The following TNFSF8 variants were observed in gnomAD, a reference collection of about 807,000 sequenced individuals.
The protein encoded by TNFSF8 is TNF superfamily member 8.
A neutral mutation model predicts 22.0 loss-of-function variants in TNFSF8; 4 were observed. The observed-to-expected ratio is 0.18, with a 90% CI of 0.09 to 0.42. The LOEUF is 0.42. Ranked by LOEUF, TNFSF8 falls within the 10% of genes least tolerant of loss-of-function variation. The pLI, the probability that TNFSF8 is intolerant of heterozygous loss-of-function variation, is 1.00. For missense variants in TNFSF8, 233 were observed against 281.8 expected (o/e 0.83, Z 1.24); for synonymous variants, 106 against 112.5 (o/e 0.94, Z 0.37).
intron 2 of TNFSF8, among the ~76,000 whole-genome samples, chr9:114,911,825 C>T (rs575808373): frequency 2.1e-4 from 32 of 152,034 alleles, no homozygotes; most frequent in Middle Eastern, 3.4e-3. Flanking sequence ...ACCTGTCTGA[C>T]ACTATGGGCA....
intron 2 of TNFSF8, among the ~76,000 whole-genome samples, chr9:114,907,091 T>C (rs541713328): frequency 3.0e-4 from 46 of 152,214 alleles, no homozygotes; most frequent in Non-Finnish European, 5.7e-4. Flanking sequence ...TGCCCAGCCC[T>C]GAGAAAGTCC....
At chr9:114,908,432 G>A (rs1253838629) in intron 2 of TNFSF8, among the ~76,000 whole-genome samples, 1 of 152,170 alleles carries the variant, frequency 6.6e-6, no homozygotes, top group Non-Finnish European at 1.5e-5. Context: ...CATGCCTTGG[G>A]CTGAGGCCAG....
At chr9:114,918,229 T>C in intron 1 of TNFSF8, 91 bp from the exon 2 acceptor site, 1 of 1,158,046 alleles carries the variant, frequency 8.6e-7, no homozygotes, top group Admixed American at 2.7e-5. Flanking sequence ...GTCCTTAAAG[T>C]ACTGTGCAAT....
chr9:114,909,132 A>C (rs914017966), intron 2 of TNFSF8, among the ~76,000 whole-genome samples: 1 of 152,292 alleles, frequency 6.6e-6, no homozygotes, highest in Admixed American at 6.5e-5. Flanking sequence ...GCTGCTTTGG[A>C]GGTCATGAGG....
intron 1 of TNFSF8, among the ~76,000 whole-genome samples, chr9:114,924,140 G>A: frequency 6.6e-6 from 1 of 152,138 alleles, no homozygotes; most frequent in Non-Finnish European, 1.5e-5. Context: ...TTTTAGCTCG[G>A]TGCTTCTCAA....
At chr9:114,898,501 G>T (rs1467400902), downstream of TNFSF8, among the ~76,000 whole-genome samples, 2 of 152,166 alleles carry the variant, frequency 1.3e-5, no homozygotes, top group Non-Finnish European at 2.9e-5. Context: ...TATTGAGAGT[G>T]GTGGCTGGAA....
Position 114,902,887 on chromosome 9 carries a change from C to A in TNFSF8, c.*1044G>T. 1 of 450,038 alleles carries A rather than the reference C, an allele frequency of 2.2e-6. No individual in the cohort carries two copies. Among genetic ancestry groups the A allele is most frequent in the Non-Finnish European group, 2.9e-6 (1 of 340,656 alleles). 27.9% of individuals were successfully genotyped at this position (450,038 alleles called of 1,614,324 possible). On this transcript the variant is annotated 3_prime_UTR_variant, in exon 4 of 4. Coordinates refer to ENST00000223795, the MANE Select transcript of TNFSF8 (RefSeq NM_001244.4). Reference sequence around the variant, plus strand: ...GTTGCCTTGGCAACCATTTTGTATACAAGTTTAATTTCTCATACCAGAAGC... The same window carrying A: ...GTTGCCTTGGCAACCATTTTGTATAAAAGTTTAATTTCTCATACCAGAAGC...
At chr9:114,895,994 A>C (rs1455880732) in intron 4 of TNFSF8, among the ~76,000 whole-genome samples, 1 of 152,238 alleles carries the variant, frequency 6.6e-6, no homozygotes, top group Non-Finnish European at 1.5e-5. Flanking sequence ...TTACAAATGA[A>C]TACCATCACG....
intron 1 of TNFSF8, among the ~76,000 whole-genome samples, chr9:114,925,953 A>G (rs1828052509): frequency 6.6e-6 from 1 of 152,062 alleles, no homozygotes; most frequent in Admixed American, 6.6e-5. Flanking sequence ...TGTCTATCTC[A>G]TTATGTATTC....
exon 5 of TNFSF8, chr9:114,893,816 T>C: frequency 2.4e-6 from 1 of 423,714 alleles, no homozygotes; most frequent in Non-Finnish European, 4.4e-6. Context: ...TGGGAAGTGA[T>C]TAATTCTGGG....
intron 1 of TNFSF8, among the ~76,000 whole-genome samples, chr9:114,919,017 T>C (rs1046262138): frequency 7.3e-6 from 1 of 137,144 alleles, no homozygotes; most frequent in African/African-American, 3.6e-5. Context: ...TAAAAGTAGA[T>C]GTGTTTTTTT....
intron 1 of TNFSF8, among the ~76,000 whole-genome samples, chr9:114,922,729 G>A (rs1251904503): frequency 6.6e-6 from 1 of 152,170 alleles, no homozygotes; most frequent in Admixed American, 6.6e-5. Flanking sequence ...ATCCTCAGGG[G>A]AAGACTATTT....
chr9:114,923,526 T>TTTCTTTCTTTC (rs1357421157), intron 1 of TNFSF8, among the ~76,000 whole-genome samples: 40 of 22,018 alleles, frequency 1.8e-3, no homozygotes, highest in Non-Finnish European at 3.2e-3. Context: ...TTCTTTCTTT[T>TTTCTTTCTTTC]TTTTTTTTTG....
intron 3 of TNFSF8, among the ~76,000 whole-genome samples, chr9:114,905,550 G>T (rs1282264068): frequency 6.6e-6 from 1 of 152,204 alleles, no homozygotes; most frequent in African/African-American, 2.4e-5. Context: ...TGGTGGCAGT[G>T]GTGGTGGGGA....
At chr9:114,927,998 G>A (rs1350644383) in intron 1 of TNFSF8, among the ~76,000 whole-genome samples, 1 of 151,958 alleles carries the variant, frequency 6.6e-6, no homozygotes, top group Non-Finnish European at 1.5e-5. Flanking sequence ...TCTTACAACA[G>A]TTAAGGTCTG....
intron 4 of TNFSF8, among the ~76,000 whole-genome samples, chr9:114,895,286 A>G (rs944231678): frequency 3.3e-5 from 5 of 152,206 alleles, no homozygotes; most frequent in African/African-American, 1.2e-4. Flanking sequence ...TTGTCTTCTA[A>G]GTGCTCATTT....
Position 114,930,145 on chromosome 9 carries a change from C to T in TNFSF8, c.159G>A (p.Thr53=). The change falls in exon 1 of 4, where the codon ACG becomes ACA. Residue 53 remains threonine, a synonymous_variant. Coordinates refer to ENST00000223795, the MANE Select transcript of TNFSF8 (RefSeq NM_001244.4). ...TATLALCLVF[T]VATIMVLVVQ... ...CGACCAACACCATAATAGTGGCCACCGTGAAGACAAGGCACAGAGCCAGAG... is the reference window on the plus strand; with the variant it reads ...CGACCAACACCATAATAGTGGCCACTGTGAAGACAAGGCACAGAGCCAGAG... 3 of 1,580,180 alleles carry T rather than the reference C, an allele frequency of 1.9e-6. No homozygotes were observed. The highest frequency in any genetic ancestry group is 1.1e-5 in the South Asian group (1 of 87,548).
intron 2 of TNFSF8, among the ~76,000 whole-genome samples, chr9:114,909,673 G>A (rs1213124780): frequency 1.3e-5 from 2 of 152,184 alleles, no homozygotes; most frequent in African/African-American, 4.8e-5. Flanking sequence ...GGTGGTGGGG[G>A]TGGGAAGGTT....
At chr9:114,894,256 C>G in intron 4 of TNFSF8, 1 of 1,081,940 alleles carries the variant, frequency 9.2e-7, no homozygotes, top group Non-Finnish European at 1.4e-6. Context: ...CACAGTTTAG[C>G]AGGGAGGCAA....
Sources: gnomAD v4.1 joint callset for allele counts (sites outside exome capture counted in the v4.1 genomes callset) on GRCh38, gnomAD v4.1.1 for gene constraint, MANE v1.5 for transcripts, NCBI Gene and HGNC (gene_info 2026-07-23, HGNC 2026-07-21) for gene names.